BNC2: variants seen among roughly 807,000 people sequenced by gnomAD.
The protein encoded by BNC2 is zinc finger protein basonuclin-2.
Under a neutral mutation model 76.3 loss-of-function variants are expected in BNC2, and 20 were observed. The ratio of observed to expected loss-of-function variants is 0.26; its 90% CI spans 0.18 to 0.38. The LOEUF (loss-of-function observed/expected upper bound fraction) is 0.38, where lower values mean the gene tolerates loss of function less well. BNC2 is among the 10% of genes least tolerant of loss of function. BNC2 has a pLI of 1.00. For synonymous variants in BNC2, 582 were observed against 514.8 expected (o/e 1.13, Z -1.77); for missense variants, 1,382 against 1,399.8 (o/e 0.99, Z 0.20).
intron 1 of BNC2, among the ~76,000 whole-genome samples, chr9:16,811,228 ACC>A: frequency 1.0e-5 from 1 of 100,378 alleles, no homozygotes; most frequent in African/African-American, 4.5e-5. Flanking sequence ...GTCTCAAAAG[ACC>A]AAAAAAAAAA....
At chr9:16,671,949 G>A (rs975443659) in intron 3 of BNC2, among the ~76,000 whole-genome samples, 1 of 152,170 alleles carries the variant, frequency 6.6e-6, no homozygotes, top group Non-Finnish European at 1.5e-5. Flanking sequence ...ACATTGTAAG[G>A]TTGTCTTATG....
chr9:16,794,664 GGTGA>G (rs1346655302), intron 1 of BNC2, among the ~76,000 whole-genome samples: 1 of 152,100 alleles, frequency 6.6e-6, no homozygotes, highest in Non-Finnish European at 1.5e-5. Context: ...TTACCCATTA[GGTGA>G]GTAAGAGCCA....
chr9:16,584,910 T>C (rs920079341), intron 3 of BNC2, among the ~76,000 whole-genome samples: 1 of 152,076 alleles, frequency 6.6e-6, no homozygotes, highest in Non-Finnish European at 1.5e-5. Context: ...GGAACTATGT[T>C]GACATTAAAA....
At chr9:16,853,790 C>T (rs538896919) in intron 1 of BNC2, among the ~76,000 whole-genome samples, 1 of 152,216 alleles carries the variant, frequency 6.6e-6, no homozygotes, top group Non-Finnish European at 1.5e-5. Flanking sequence ...ACTGCTTGAA[C>T]CTGGGAGACA....
chr9:16,526,582 TGTCCATTA>T (rs1817810774), intron 5 of BNC2, among the ~76,000 whole-genome samples: 1 of 138,446 alleles, frequency 7.2e-6, no homozygotes, highest in Non-Finnish European at 1.5e-5. Flanking sequence ...GACAAAGAAA[TGTCCATTA>T]GTCACTCACT....
At chr9:16,586,231 T>C (rs1444203569) in intron 3 of BNC2, among the ~76,000 whole-genome samples, 1 of 152,050 alleles carries the variant, frequency 6.6e-6, no homozygotes, top group Non-Finnish European at 1.5e-5. Context: ...GTGAAGATGA[T>C]CAGCATATCC....
At chr9:16,729,945 G>A (rs1050116062) in intron 2 of BNC2, among the ~76,000 whole-genome samples, 1 of 151,910 alleles carries the variant, frequency 6.6e-6, no homozygotes, top group African/African-American at 2.4e-5. Flanking sequence ...GTATCGCTTT[G>A]CCTGTGTGTT....
At chr9:16,777,039 T>C (rs1021785298) in intron 1 of BNC2, among the ~76,000 whole-genome samples, 13 of 152,050 alleles carry the variant, frequency 8.5e-5, no homozygotes, top group Admixed American at 2.6e-4. Flanking sequence ...GGCAAGAGAA[T>C]CACTTGAACC....
At chr9:16,686,234 C>G (rs1008847487) in intron 3 of BNC2, among the ~76,000 whole-genome samples, 2 of 151,970 alleles carry the variant, frequency 1.3e-5, no homozygotes, top group Non-Finnish European at 2.9e-5. Flanking sequence ...ATGTATCTGT[C>G]CTAATAATAA....
At chr9:16,724,083 G>T (rs920404368) in intron 3 of BNC2, among the ~76,000 whole-genome samples, 14 of 151,846 alleles carry the variant, frequency 9.2e-5, no homozygotes, top group African/African-American at 2.7e-4. Flanking sequence ...TATGAAAAAA[G>T]ACCTTATTAA....
At chr9:16,499,907 T>C (rs1822483505) in intron 5 of BNC2, among the ~76,000 whole-genome samples, 3 of 152,064 alleles carry the variant, frequency 2.0e-5, no homozygotes, top group African/African-American at 7.2e-5. Flanking sequence ...TTCTAACTAC[T>C]CAATTTACTA....
chr9:16,629,143 G>A (rs149140194), intron 3 of BNC2, among the ~76,000 whole-genome samples: 26 of 152,228 alleles, frequency 1.7e-4, no homozygotes, highest in African/African-American at 6.0e-4. Context: ...AGGACTAATC[G>A]GGAAGGTTTA....
At chr9:16,574,842 G>C (rs1819437170) in intron 4 of BNC2, among the ~76,000 whole-genome samples, 1 of 152,116 alleles carries the variant, frequency 6.6e-6, no homozygotes, top group Non-Finnish European at 1.5e-5. Context: ...TAGATGCATT[G>C]CTATTATTAT....
intron 5 of BNC2, among the ~76,000 whole-genome samples, chr9:16,447,313 G>A (rs936793532): frequency 6.6e-6 from 1 of 151,954 alleles, no homozygotes; most frequent in Non-Finnish European, 1.5e-5. Context: ...AACCTCAGAG[G>A]AAAATAAAAT....
intron 1 of BNC2, among the ~76,000 whole-genome samples, chr9:16,857,541 A>T (rs967779368): frequency 4.0e-5 from 6 of 151,856 alleles, no homozygotes; most frequent in African/African-American, 1.5e-4. Flanking sequence ...ATTTTCACAG[A>T]ATTGTTTCCC....
In BNC2 at chr9:16,663,071, C is replaced by T. The variant is rs531517763; in HGVS notation, c.330+64726G>A. ...GTGATTTCATCAATAACATCCCTAA[C>T]ACCTCCCCTACTCGCTCGCTCAATT... is the stretch of plus-strand genomic sequence containing the variant. On this transcript the variant is annotated intron_variant, in intron 3 of 6. Coordinates refer to ENST00000380672, the MANE Select transcript of BNC2 (RefSeq NM_017637.6). 1.5e-3 allele frequency among the ~76,000 whole-genome samples: 222 copies of T among 151,504 alleles called. 2 individuals carry two copies. The highest frequency in any genetic ancestry group is 4.9e-3 in the African/African-American group (203 of 41,316).
At chr9:16,450,656 T>C (rs141599029) in intron 5 of BNC2, among the ~76,000 whole-genome samples, 13 of 152,348 alleles carry the variant, frequency 8.5e-5, no homozygotes, top group African/African-American at 3.1e-4. Context: ...ATGATAAAGC[T>C]GTTTGGTAGA....
chr9:16,841,937 G>C lies in BNC2; in HGVS notation c.3+28709C>G, dbSNP rs1312951542. 2.0e-5 allele frequency among the ~76,000 whole-genome samples: 3 copies of C among 152,086 alleles called. No homozygotes were observed. The East Asian group carries it at 5.8e-4, about 29-fold the overall frequency. On this transcript the variant is annotated intron_variant, in intron 1 of 6. Coordinates refer to ENST00000380672, the MANE Select transcript of BNC2 (RefSeq NM_017637.6). ...TGATTCTCCTGCCTCAGCCTCCCAA[G>C]TAGCTGGGATTACAGGCATGCACTA...
At chr9:16,485,700 T>C (rs1822149907) in intron 5 of BNC2, among the ~76,000 whole-genome samples, 1 of 152,100 alleles carries the variant, frequency 6.6e-6, no homozygotes, top group African/African-American at 2.4e-5. Context: ...TGCATGCCTG[T>C]AGTTCCAGCT....
Sources: gnomAD v4.1 joint callset for allele counts (sites outside exome capture counted in the v4.1 genomes callset) on GRCh38, gnomAD v4.1.1 for gene constraint, MANE v1.5 for transcripts, NCBI Gene and HGNC (gene_info 2026-07-23, HGNC 2026-07-21) for gene names.